Variants in ADGRL2 observed in about 807,000 individuals in gnomAD.
The protein encoded by ADGRL2 is adhesion G protein-coupled receptor L2.
ADGRL2 carries 44 observed loss-of-function variants against 157.4 expected under a neutral mutation model. The ratio of observed to expected loss-of-function variants is 0.28; its 90% CI spans 0.22 to 0.36. The LOEUF (loss-of-function observed/expected upper bound fraction) is 0.36, where lower values mean the gene tolerates loss of function less well. Ranked by LOEUF, ADGRL2 falls within the 10% of genes least tolerant of loss-of-function variation. ADGRL2 has a pLI of 1.00. For synonymous variants in ADGRL2, 585 were observed against 624.7 expected (o/e 0.94, Z 0.95); for missense variants, 1,510 against 1,768.9 (o/e 0.85, Z 2.63).
intron 2 of ADGRL2, among the ~76,000 whole-genome samples, chr1:81,563,191 C>A (rs1035499633): frequency 6.6e-6 from 1 of 152,112 alleles, no homozygotes; most frequent in Non-Finnish European, 1.5e-5. Context: ...ATTTGAGAAA[C>A]GTCTAGTGAA....
At chr1:81,965,890 T>G (rs1036227847) in intron 11 of ADGRL2, among the ~76,000 whole-genome samples, 168 bp from the exon 12 acceptor site, 6 of 152,212 alleles carry the variant, frequency 3.9e-5, no homozygotes, top group African/African-American at 1.4e-4. Flanking sequence ...CTTAAATCAT[T>G]TGGAGTAATT....
intron 1 of ADGRL2, among the ~76,000 whole-genome samples, chr1:81,704,038 G>C (rs1388434588): frequency 6.6e-6 from 1 of 152,144 alleles, no homozygotes; most frequent in Non-Finnish European, 1.5e-5. Context: ...GGCCTTGCTG[G>C]TAACAGTAAA....
intron 3 of ADGRL2, among the ~76,000 whole-genome samples, chr1:81,592,784 G>A (rs971947617): frequency 6.6e-6 from 1 of 152,044 alleles, no homozygotes; most frequent in Non-Finnish European, 1.5e-5. Context: ...GTGTGGGGAA[G>A]GAGGTGTAGG....
chr1:81,716,016 T>C (rs1185012153), intron 1 of ADGRL2, among the ~76,000 whole-genome samples: 3 of 152,204 alleles, frequency 2.0e-5, no homozygotes, highest in African/African-American at 7.2e-5. Flanking sequence ...TGATACCATT[T>C]CATATGAAAA....
chr1:81,354,432 A>G (rs1156457476), intron 1 of ADGRL2, among the ~76,000 whole-genome samples: 3 of 152,192 alleles, frequency 2.0e-5, no homozygotes, highest in East Asian at 3.9e-4. Context: ...TCTTGTACCT[A>G]ATACACAACC....
At chr1:81,505,461 T>G (rs1247002729) in intron 2 of ADGRL2, among the ~76,000 whole-genome samples, 1 of 150,724 alleles carries the variant, frequency 6.6e-6, no homozygotes, top group East Asian at 2.0e-4. Context: ...CATTGGATCC[T>G]CTCCCTTTCC....
chr1:81,322,087 C>CATATATATAT lies in ADGRL2; in HGVS notation c.-302+15592_-302+15601dup, dbSNP rs148181887. On this transcript the variant is annotated intron_variant, in intron 1 of 24. Transcript: ENST00000370721. The stretch of plus-strand genomic sequence containing the variant: ...CTTCCTTAAATGTACAGGACTAATT[C>CATATATATAT]ATATATATATATATATATATATACA... 1.7e-3 allele frequency among the ~76,000 whole-genome samples: 190 copies of CATATATATAT among 112,062 alleles called. 2 individuals are homozygous for CATATATATAT. The highest frequency in any genetic ancestry group is 8.6e-3 in the Middle Eastern group (2 of 232). The allele number at this position is 112,062 out of a possible 152,430, so 73.5% of individuals were successfully genotyped here. A position where few individuals can be genotyped will look rare whatever the true frequency, so the allele number is the denominator to read the frequency against.
intron 2 of ADGRL2, among the ~76,000 whole-genome samples, chr1:81,500,385 A>G: frequency 6.6e-6 from 1 of 152,232 alleles, no homozygotes. Flanking sequence ...TAATAGTCAA[A>G]AGGTGGAAGT....
At chr1:81,414,032 A>G (rs1390413811) in intron 1 of ADGRL2, 1 of 152,218 alleles carries the variant, frequency 6.6e-6, no homozygotes, top group South Asian at 2.1e-4. Flanking sequence ...TAATCATTTA[A>G]AGCAATGCAA....
chr1:81,935,677 T>C (rs530739808), intron 3 of ADGRL2, among the ~76,000 whole-genome samples: 3 of 151,986 alleles, frequency 2.0e-5, no homozygotes, highest in Non-Finnish European at 4.4e-5. Flanking sequence ...CTTGTTCTGC[T>C]TGATTTGCCT....
chr1:81,748,665 T>A (rs2149258660), intron 1 of ADGRL2, among the ~76,000 whole-genome samples: 1 of 152,032 alleles, frequency 6.6e-6, no homozygotes, highest in African/African-American at 2.4e-5. Context: ...CATTCCTTTT[T>A]TTTTGTTTTT....
At chr1:81,355,819 A>C (rs1663243212) in intron 1 of ADGRL2, among the ~76,000 whole-genome samples, 1 of 152,190 alleles carries the variant, frequency 6.6e-6, no homozygotes, top group Non-Finnish European at 1.5e-5. Flanking sequence ...ACTCGCTCCC[A>C]GCCAGACCTG....
chr1:81,791,064 C>G (rs1366130778), intron 2 of ADGRL2, among the ~76,000 whole-genome samples: 1 of 35,704 alleles, frequency 2.8e-5, no homozygotes, highest in African/African-American at 1.0e-4. Flanking sequence ...AAGACCCTAT[C>G]TCAAAAAAAA....
intron 2 of ADGRL2, among the ~76,000 whole-genome samples, chr1:81,497,534 TAAG>T (rs2078756747): frequency 2.0e-5 from 3 of 152,218 alleles, no homozygotes; most frequent in Admixed American, 6.5e-5. Flanking sequence ...TCTATAAATC[TAAG>T]AAGAATAGTT....
intron 13 of ADGRL2, among the ~76,000 whole-genome samples, chr1:81,967,562 A>C (rs1657508838): frequency 6.6e-6 from 1 of 152,048 alleles, no homozygotes; most frequent in Non-Finnish European, 1.5e-5. Context: ...CGCCCGGCCT[A>C]TTTGATTGAC....
rs1014151114 is a variant in ADGRL2 at position 81,800,995 on chromosome 1, G to C, written c.-174G>C. 1.9e-3 allele frequency among the ~76,000 whole-genome samples: 287 copies of C among 150,356 alleles called. 1 individual carries two copies. Among genetic ancestry groups the C allele is most frequent in the African/African-American group, 6.4e-3 (265 of 41,326 alleles). On this transcript the variant is annotated 5_prime_UTR_variant, in exon 1 of 24. Coordinates refer to ENST00000686636, the MANE Select transcript of ADGRL2 (RefSeq NM_001366006.2). ...CGGACAGCCCTGCGGCCGCCCCGCCGGCGGAGCCGGGGCCGGCCTGGTCCT... is the reference window on the plus strand; with the variant it reads ...CGGACAGCCCTGCGGCCGCCCCGCCCGCGGAGCCGGGGCCGGCCTGGTCCT...
intron 2 of ADGRL2, chr1:81,514,590 T>G (rs943910119): frequency 1.3e-4 from 20 of 152,172 alleles, no homozygotes; most frequent in African/African-American, 4.8e-4. Context: ...ACTAGAATAT[T>G]GCGAGGAAAA....
chr1:81,326,156 A>T (rs977415055), intron 1 of ADGRL2, among the ~76,000 whole-genome samples: 2 of 152,206 alleles, frequency 1.3e-5, no homozygotes, highest in African/African-American at 4.8e-5. Flanking sequence ...GCATCCCATG[A>T]TAGATACTGT....
chr1:81,425,832 A>G (rs1035254601), intron 1 of ADGRL2, among the ~76,000 whole-genome samples: 1 of 151,846 alleles, frequency 6.6e-6, no homozygotes, highest in Non-Finnish European at 1.5e-5. Context: ...ACCATATAAC[A>G]AAAGACAGCT....
Sources: gnomAD v4.1 joint callset for allele counts (sites outside exome capture counted in the v4.1 genomes callset) on GRCh38, gnomAD v4.1.1 for gene constraint, MANE v1.5 for transcripts, NCBI Gene and HGNC (gene_info 2026-07-23, HGNC 2026-07-21) for gene names.